Variants in CSNK1G3 observed in about 807,000 individuals in gnomAD.
CSNK1G3 encodes casein kinase I isoform gamma-3.
A neutral mutation model predicts 64.3 loss-of-function variants in CSNK1G3; 23 were observed. The ratio of observed to expected loss-of-function variants is 0.36; its 90% confidence interval spans 0.26 to 0.51. The LOEUF is 0.51. CSNK1G3 is among the 20% of genes least tolerant of loss of function. The pLI is 0.96. For missense variants in CSNK1G3, 357 were observed against 510.5 expected, an observed-to-expected ratio of 0.70 and a Z score of 2.90; for synonymous variants, 158 against 162.2, an observed-to-expected ratio of 0.97 and a Z score of 0.20.
chr5:123,555,663 T>C (rs1227527837), intron 3 of CSNK1G3, among the ~76,000 whole-genome samples: 1 of 152,158 alleles, frequency 6.6e-6, no homozygotes, highest in East Asian at 1.9e-4. Context: ...TTATATCTTG[T>C]TGTACATGAA....
intron 4 of CSNK1G3, among the ~76,000 whole-genome samples, chr5:123,559,669 G>A (rs957183830): frequency 6.8e-6 from 1 of 146,968 alleles, no homozygotes; most frequent in South Asian, 2.2e-4. Context: ...TTAGTATTTT[G>A]TACGAGTCAT....
At chr5:123,528,956 A>C (rs555200514) in intron 1 of CSNK1G3, among the ~76,000 whole-genome samples, 1 of 152,196 alleles carries the variant, frequency 6.6e-6, no homozygotes, top group East Asian at 1.9e-4. Context: ...ACGTTGAATA[A>C]AGTGATTCTC....
intron 2 of CSNK1G3, among the ~76,000 whole-genome samples, chr5:123,550,357 G>A (rs1277749024): frequency 1.3e-5 from 2 of 152,150 alleles, no homozygotes; most frequent in Admixed American, 6.6e-5. Flanking sequence ...GAAAAAAAGG[G>A]GCAGGAGCAT....
exon 6 of CSNK1G3, chr5:123,575,766 T>C: frequency 6.2e-7 from 1 of 1,613,448 alleles, no homozygotes; most frequent in Non-Finnish European, 8.5e-7. Flanking sequence ...AAGAACTTGA[T>C]ATACAGAGAT....
At chr5:123,605,266 T>G in intron 11 of CSNK1G3, 73 bp from the exon 13 acceptor site, 1 of 1,343,202 alleles carries the variant, frequency 7.4e-7, no homozygotes, top group South Asian at 1.3e-5. Flanking sequence ...TGTGATAATT[T>G]CAATGTGAGC....
chr5:123,518,116 A>G (rs1182869425), intron 1 of CSNK1G3, among the ~76,000 whole-genome samples: 2 of 152,122 alleles, frequency 1.3e-5, no homozygotes, highest in Non-Finnish European at 2.9e-5. Context: ...AAGCCTTCTT[A>G]TAGTTCCAAC....
chr5:123,575,320 A>G lies in CSNK1G3; in HGVS notation c.439-409A>G, dbSNP rs138776109. The stretch of plus-strand genomic sequence containing the variant: ...TTAGACTCTTAAGTTTCTTTAATAT[A>G]CTTGTAAAAGTTGCTTGGTTATTGA... On this transcript the variant is annotated intron_variant, in intron 5 of 12. Coordinates refer to ENST00000345990, the Ensembl canonical transcript of CSNK1G3. Among the ~76,000 whole-genome samples the G allele has an allele frequency of 6.5e-3, 989 of 152,338 alleles. 9 individuals are homozygous for G. The highest frequency in any genetic ancestry group is 0.022 in the African/African-American group (926 of 41,578).
chr5:123,573,186 A>G (rs925704986), intron 4 of CSNK1G3, among the ~76,000 whole-genome samples: 1 of 152,226 alleles, frequency 6.6e-6, no homozygotes. Context: ...TGCAGCTGCA[A>G]TAGAGGTGTA....
At chr5:123,544,485 G>A (rs546700187) in intron 1 of CSNK1G3, among the ~76,000 whole-genome samples, 1 of 152,268 alleles carries the variant, frequency 6.6e-6, no homozygotes, top group South Asian at 2.1e-4. Flanking sequence ...ATAGGAATAA[G>A]TATTTGATAT....
intron 8 of CSNK1G3, among the ~76,000 whole-genome samples, chr5:123,589,942 ATTAG>A (rs759521063): frequency 1.1e-3 from 170 of 152,216 alleles, no homozygotes; most frequent in Non-Finnish European, 1.8e-3. Flanking sequence ...TGAATTCTCT[ATTAG>A]TTAGTTGGTT....
At chr5:123,514,661 A>G (rs1002354973) in intron 1 of CSNK1G3, among the ~76,000 whole-genome samples, 2 of 151,780 alleles carry the variant, frequency 1.3e-5, no homozygotes, top group African/African-American at 2.4e-5. Context: ...AGAGCTGGTA[A>G]CACTCCATCT....
chr5:123,532,895 C>A (rs1198546272), intron 1 of CSNK1G3, among the ~76,000 whole-genome samples: 1 of 151,712 alleles, frequency 6.6e-6, no homozygotes, highest in African/African-American at 2.4e-5. Flanking sequence ...GTAGATAGAA[C>A]CAGTTTTAGT....
chr5:123,568,295 A>G (rs77765159), intron 4 of CSNK1G3, among the ~76,000 whole-genome samples: 1 of 152,108 alleles, frequency 6.6e-6, no homozygotes, highest in Non-Finnish European at 1.5e-5. Flanking sequence ...AGACGTGACT[A>G]TGACCTTTTT....
At chr5:123,575,621 T>C (rs1789013266) in intron 5 of CSNK1G3, 108 bp from the exon 6 acceptor site, 1 of 670,504 alleles carries the variant, frequency 1.5e-6, no homozygotes, top group African/African-American at 1.8e-5. Context: ...TGAAACAATT[T>C]CTGATTTATT....
intron 1 of CSNK1G3, among the ~76,000 whole-genome samples, chr5:123,529,727 A>G (rs1245209197): frequency 6.6e-6 from 1 of 152,198 alleles, no homozygotes; most frequent in Non-Finnish European, 1.5e-5. Context: ...TATTTCGGTA[A>G]TAAAAATTTA....
intron 1 of CSNK1G3, among the ~76,000 whole-genome samples, chr5:123,537,766 T>C (rs1781081525): frequency 6.6e-6 from 1 of 152,166 alleles, no homozygotes; most frequent in Admixed American, 6.6e-5. Context: ...TATGTATCCA[T>C]GTATTTCCTC....
intron 4 of CSNK1G3, among the ~76,000 whole-genome samples, chr5:123,572,278 C>T (rs76890009): frequency 0.092 from 13,971 of 152,158 alleles, 680 homozygotes; most frequent in South Asian, 0.12. Flanking sequence ...ATTCTGACAA[C>T]TTCCATATAA....
At chr5:123,609,484 T>C (rs180683242) in intron 12 of CSNK1G3, among the ~76,000 whole-genome samples, 1 of 152,206 alleles carries the variant, frequency 6.6e-6, no homozygotes, top group Non-Finnish European at 1.5e-5. Flanking sequence ...TCTATAATAC[T>C]AAGTGTTCAG....
intron 2 of CSNK1G3, chr5:123,552,884 T>G: frequency 3.3e-6 from 1 of 299,310 alleles, no homozygotes; most frequent in Non-Finnish European, 6.4e-6. Context: ...TACTAGTATC[T>G]GTAGTGTCTG....
Sources: gnomAD v4.1 joint callset for allele counts (sites outside exome capture counted in the v4.1 genomes callset) on GRCh38, gnomAD v4.1.1 for gene constraint, MANE v1.5 for transcripts, NCBI Gene and HGNC (gene_info 2026-07-23, HGNC 2026-07-21) for gene names.